UGT1A10: variants seen among roughly 807,000 people sequenced by gnomAD.
UGT1A10 encodes UDP glucuronosyltransferase family 1 member A10.
UGT1A10 carries 49 observed loss-of-function variants against 45.8 expected under a neutral mutation model. The observed-to-expected ratio is 1.07, with a 90% CI of 0.85 to 1.36. UGT1A10 has a LOEUF of 1.36. Among genes scored for constraint, UGT1A10 ranks in the 40% most tolerant of loss-of-function variants. The pLI is 0.00. For missense variants in UGT1A10, 745 were observed against 668.6 expected, an observed-to-expected ratio of 1.11 and a Z score of -1.26; for synonymous variants, 284 against 249.7, an observed-to-expected ratio of 1.14 and a Z score of -1.29.
At chr2:233,688,686 T>C (rs2074910115) in intron 1 of UGT1A10, among the ~76,000 whole-genome samples, 1 of 152,222 alleles carries the variant, frequency 6.6e-6, no homozygotes, top group Non-Finnish European at 1.5e-5. Flanking sequence ...AAAAATTTAA[T>C]ATTAAACGTC....
In UGT1A10 at chr2:233,650,598, C is replaced by T. The variant is rs2073714569; in HGVS notation, c.855+13221C>T. 2.0e-5 allele frequency among the ~76,000 whole-genome samples: 3 copies of T among 152,154 alleles called. 1 individual carries two copies. The highest frequency in any genetic ancestry group is 2.0e-4 in the Admixed American group (3 of 15,278). ...TTACTCATTTGTAAACTGCAAATTT[C>T]TTTTGACCATTTTTCCCATTAACTT... On this transcript the variant is annotated intron_variant, in intron 1 of 4. Coordinates refer to ENST00000344644, the MANE Select transcript of UGT1A10 (RefSeq NM_019075.4).
At chr2:233,644,936 C>G (rs1283914392) in intron 1 of UGT1A10, among the ~76,000 whole-genome samples, 1 of 152,030 alleles carries the variant, frequency 6.6e-6, no homozygotes, top group East Asian at 1.9e-4. Flanking sequence ...ATTGACAATC[C>G]TTTACATAGA....
chr2:233,772,555 A>G lies in UGT1A10; in HGVS notation c.1589A>G (p.His530Arg), dbSNP rs1350310639. Reference sequence around the variant, plus strand: ...AAGAAAGCCCACAAATCCAAGACCCATTGAGAAGTGGGTGGGAAATAAGGT... The same window carrying G: ...AAGAAAGCCCACAAATCCAAGACCCGTTGAGAAGTGGGTGGGAAATAAGGT... The part of the protein sequence containing the change: ...RVKKAHKSKT[H>R] The change falls in exon 5 of 5, where the codon CAT becomes CGT. Residue 530 changes from histidine to arginine, a missense_variant. Transcript: ENST00000344644. The G allele has an allele frequency of 3.1e-6, 5 of 1,613,990 alleles. No homozygotes were observed. In the South Asian group the frequency reaches 5.5e-5, roughly 18 times the overall value.
intron 1 of UGT1A10, among the ~76,000 whole-genome samples, chr2:233,694,677 G>C (rs910499243): frequency 6.6e-6 from 1 of 152,150 alleles, no homozygotes; most frequent in African/African-American, 2.4e-5. Context: ...GCCTCAAACA[G>C]GTCCCAAAGA....
intron 1 of UGT1A10, among the ~76,000 whole-genome samples, chr2:233,653,024 C>T (rs992588510): frequency 6.6e-6 from 1 of 152,166 alleles, no homozygotes; most frequent in African/African-American, 2.4e-5. Context: ...GAAAAGTGAA[C>T]CCACATGGCC....
At chr2:233,736,387 T>C (rs1375947761) in intron 1 of UGT1A10, among the ~76,000 whole-genome samples, 2 of 152,190 alleles carry the variant, frequency 1.3e-5, no homozygotes, top group African/African-American at 2.4e-5. Flanking sequence ...TTCTCTACAG[T>C]GTTTATTCTA....
chr2:233,659,008 A>G (rs1000420439), intron 1 of UGT1A10, among the ~76,000 whole-genome samples: 1 of 152,224 alleles, frequency 6.6e-6, no homozygotes, highest in African/African-American at 2.4e-5. Flanking sequence ...GGTTGAAATC[A>G]TATTTAAGTT....
intron 1 of UGT1A10, chr2:233,648,013 C>A: frequency 6.2e-7 from 1 of 1,602,946 alleles, no homozygotes; most frequent in Non-Finnish European, 8.5e-7. Flanking sequence ...TGTAGTCAGG[C>A]CAGAGGTGAG....
At chr2:233,745,739 A>G (rs1329170032) in intron 1 of UGT1A10, among the ~76,000 whole-genome samples, 2 of 141,886 alleles carry the variant, frequency 1.4e-5, no homozygotes, top group African/African-American at 2.7e-5. Flanking sequence ...AGGCAGAGGG[A>G]GGGGGCAAGC....
intron 1 of UGT1A10, chr2:233,691,671 G>A (rs1305895934): frequency 1.7e-5 from 17 of 975,742 alleles, no homozygotes; most frequent in Non-Finnish European, 2.1e-5. Context: ...CTGGGCCTCA[G>A]TTGAGAAACC....
In UGT1A10 at chr2:233,768,342, C is replaced by G; in HGVS notation, c.1198C>G (p.Arg400Gly). Residue 400 changes from arginine (R) to glycine (G), a missense_variant, in exon 4 of 5, where the codon CGC becomes GGC. Physicochemically the swap from Arg to Gly is moderately radical, Grantham distance 125. Transcript: ENST00000344644. ...TGGTGATCAGATGGACAATGCAAAG[C>G]GCATGGAGACTAAGGGAGCTGGAGT... ...LFGDQMDNAK[R>G]METKGAGVTL... 6.2e-7 allele frequency: 1 copy of G among 1,614,092 alleles called. No homozygotes were observed. Among genetic ancestry groups the G allele is most frequent in the South Asian group, 1.1e-5 (1 of 91,066 alleles).
intron 1 of UGT1A10, chr2:233,743,514 G>T (rs753191882): frequency 7.3e-7 from 1 of 1,367,256 alleles, no homozygotes; most frequent in Non-Finnish European, 9.8e-7. Flanking sequence ...CAGACGCTCT[G>T]CTTCTGCTTC....
intron 1 of UGT1A10, chr2:233,672,792 A>T: frequency 6.2e-7 from 1 of 1,612,922 alleles, no homozygotes; most frequent in Non-Finnish European, 8.5e-7. Flanking sequence ...TGCCTATGGT[A>T]AGTTATCTCT....
At chr2:233,683,432 A>T (rs1400062675) in intron 1 of UGT1A10, among the ~76,000 whole-genome samples, 1 of 152,148 alleles carries the variant, frequency 6.6e-6, no homozygotes, top group Non-Finnish European at 1.5e-5. Flanking sequence ...TATGAGCAAT[A>T]ATAAGAATTC....
At chr2:233,764,944 G>A (rs994254200) in intron 1 of UGT1A10, among the ~76,000 whole-genome samples, 1 of 152,160 alleles carries the variant, frequency 6.6e-6, no homozygotes, top group South Asian at 2.1e-4. Flanking sequence ...AGAGTGGCGG[G>A]GAGAGAGGGC....
At chr2:233,704,256 C>CTTTTT (rs59925871) in intron 1 of UGT1A10, among the ~76,000 whole-genome samples, 19 of 123,678 alleles carry the variant, frequency 1.5e-4, no homozygotes, top group African/African-American at 4.6e-4. Flanking sequence ...GCCTTTATTG[C>CTTTTT]TTTTTTTTTT....
chr2:233,636,943 T>C lies in UGT1A10; in HGVS notation c.421T>C (p.Ser141Pro). The change falls in exon 1 of 5, where the codon TCT becomes CCT. Residue 141 changes from serine (S) to proline (P), a missense_variant. Physicochemically the swap from Ser to Pro is moderately conservative, Grantham distance 74. Coordinates refer to ENST00000344644, the MANE Select transcript of UGT1A10 (RefSeq NM_019075.4). ...RKLVEYLKES[S>P]FDAVFLDPFD... Reference sequence around the variant, plus strand: ...ATTAGTAGAATACTTAAAGGAGAGTTCTTTTGATGCAGTGTTTCTGGATCC... The same window carrying C: ...ATTAGTAGAATACTTAAAGGAGAGTCCTTTTGATGCAGTGTTTCTGGATCC... 1.9e-6 allele frequency: 3 copies of C among 1,614,184 alleles called. No homozygotes were observed. Among genetic ancestry groups the C allele is most frequent in the Non-Finnish European group, 2.5e-6 (3 of 1,180,020 alleles).
chr2:233,680,354 A>T (rs966045404), intron 1 of UGT1A10, among the ~76,000 whole-genome samples: 5 of 152,212 alleles, frequency 3.3e-5, no homozygotes, highest in Admixed American at 3.3e-4. Flanking sequence ...GTCATATCAC[A>T]TGCATTTAGG....
At chr2:233,652,502 G>A (rs1181508199) in intron 1 of UGT1A10, among the ~76,000 whole-genome samples, 1 of 152,070 alleles carries the variant, frequency 6.6e-6, no homozygotes, top group African/African-American at 2.4e-5. Flanking sequence ...AGGAAAAAAG[G>A]AAAATTTGTT....
Sources: allele counts gnomAD v4.1 joint callset (sites outside exome capture counted in the v4.1 genomes callset), GRCh38; gene constraint gnomAD v4.1.1; transcripts MANE v1.5; gene names NCBI Gene and HGNC (gene_info 2026-07-23, HGNC 2026-07-21).